The following CLK1 variants were observed in gnomAD, a reference collection of about 807,000 sequenced individuals.
CLK1 encodes the protein dual specificity protein kinase CLK1.
Under a neutral mutation model 60.9 loss-of-function variants are expected in CLK1, and 40 were observed. That is an observed-to-expected ratio of 0.66 (90% CI 0.51 to 0.86). CLK1 has a LOEUF of 0.86. CLK1 is among the 40% of genes least tolerant of loss of function. The pLI, the probability that CLK1 is intolerant of heterozygous loss-of-function variation, is 0.00. For missense variants in CLK1, 563 were observed against 606.1 expected, an observed-to-expected ratio of 0.93 and a Z score of 0.75; for synonymous variants, 203 against 184.4, an observed-to-expected ratio of 1.10 and a Z score of -0.82.
intron 1 of CLK1, chr2:200,864,335 C>G (rs1474098498): frequency 7.3e-7 from 1 of 1,371,914 alleles, no homozygotes; most frequent in Non-Finnish European, 9.5e-7. Context: ...GGCGGCCGGC[C>G]TAGCAAACAC....
chr2:200,864,159 T>TC, intron 1 of CLK1: 2 of 1,550,872 alleles, frequency 1.3e-6, no homozygotes, highest in Middle Eastern at 1.7e-4. Context: ...CCCCAGCAAA[T>TC]CCCCCCTCAA....
In CLK1 at chr2:200,864,640, C is replaced by T. The variant is rs182770094; in HGVS notation, c.-77G>A. The T allele has an allele frequency of 6.0e-6, 1 of 165,346 alleles. No homozygotes were observed. Among genetic ancestry groups the T allele is most frequent in the Non-Finnish European group, 1.3e-5 (1 of 76,296 alleles). The allele number at this position is 165,346 out of a possible 1,614,324, so 10.2% of individuals were successfully genotyped here. ...ACGGGAATCACGCAGCTGACTGCGTCGCGCACCAACAACAAAATGGAGCTG... is the reference window on the plus strand; with the variant it reads ...ACGGGAATCACGCAGCTGACTGCGTTGCGCACCAACAACAAAATGGAGCTG... On this transcript the variant is annotated 5_prime_UTR_variant, in exon 1 of 13. Coordinates refer to ENST00000321356, the MANE Select transcript of CLK1 (RefSeq NM_004071.4).
chr2:200,859,150 C>G (rs897033694), intron 5 of CLK1, among the ~76,000 whole-genome samples: 3 of 152,050 alleles, frequency 2.0e-5, no homozygotes, highest in Admixed American at 6.6e-5. Context: ...CCACTGCACT[C>G]CACCCTGGGT....
At chr2:200,856,573 C>T in intron 9 of CLK1, 109 bp downstream of exon 9, 1 of 828,254 alleles carries the variant, frequency 1.2e-6, no homozygotes, top group Non-Finnish European at 1.9e-6. Context: ...GATACTTATC[C>T]CTTAAAGAGA....
At chr2:200,859,575 G>T (rs1377703341) in intron 5 of CLK1, 105 bp downstream of exon 5, 3 of 789,786 alleles carry the variant, frequency 3.8e-6, no homozygotes, top group Non-Finnish European at 6.1e-6. Flanking sequence ...GTAAAAAAGG[G>T]TATAAAGATA....
chr2:200,860,567 T>C (rs1313826251), intron 3 of CLK1: 23 of 1,021,138 alleles, frequency 2.3e-5, no homozygotes, highest in African/African-American at 3.4e-5. Context: ...TAATTTAATG[T>C]TGCAAAATCG....
chr2:200,857,688 C>A, intron 7 of CLK1, 30 bp downstream of exon 7: 1 of 1,540,330 alleles, frequency 6.5e-7, no homozygotes, highest in Non-Finnish European at 8.8e-7. Flanking sequence ...ATAAAACCAG[C>A]AAATTAACGA....
At chr2:200,857,150 A>G (rs903085681) in intron 7 of CLK1, 165 bp from the exon 8 acceptor site, 10 of 607,632 alleles carry the variant, frequency 1.6e-5, no homozygotes, top group Middle Eastern at 4.4e-4. Context: ...TACCAAAATT[A>G]CAAAAATTGG....
chr2:200,861,670 T>A, intron 2 of CLK1, 32 bp downstream of exon 2: 1 of 1,610,274 alleles, frequency 6.2e-7, no homozygotes, highest in Non-Finnish European at 8.5e-7. Context: ...TAATGTATTG[T>A]TATATTCAGA....
intron 4 of CLK1, 22 bp downstream of exon 4, chr2:200,860,103 A>T: frequency 6.2e-7 from 1 of 1,609,542 alleles, no homozygotes; most frequent in South Asian, 1.1e-5. Context: ...AAAGTTAATA[A>T]GTGTTGAAAA....
At chr2:200,857,210 G>A in intron 7 of CLK1, 1 of 504,882 alleles carries the variant, frequency 2.0e-6, no homozygotes, top group Non-Finnish European at 3.6e-6. Flanking sequence ...GGAGGCTGAG[G>A]CAGGAGAATC....
At chr2:200,859,977 A>C in intron 4 of CLK1, 148 bp downstream of exon 4, 1 of 1,437,234 alleles carries the variant, frequency 7.0e-7, no homozygotes, top group Non-Finnish European at 9.1e-7. Context: ...AGAAAGCAAA[A>C]ATACAATCCC....
At chr2:200,863,975 T>C (rs746733026) in intron 1 of CLK1, 10 of 1,087,618 alleles carry the variant, frequency 9.2e-6, no homozygotes, top group Non-Finnish European at 1.2e-5. Context: ...TCTCTTTCCT[T>C]GGGTTCCTAA....
intron 1 of CLK1, 85 bp downstream of exon 1, chr2:200,864,479 A>C: frequency 2.1e-6 from 1 of 473,174 alleles, no homozygotes; most frequent in Non-Finnish European, 3.7e-6. Flanking sequence ...GGCAGCAAAC[A>C]AGCAGGAAAA....
intron 1 of CLK1, among the ~76,000 whole-genome samples, chr2:200,863,674 T>A (rs1461937290): frequency 6.6e-6 from 1 of 152,072 alleles, no homozygotes; most frequent in Non-Finnish European, 1.5e-5. Flanking sequence ...CTTAATATGG[T>A]GAAACTCTGT....
At chr2:200,857,016 G>GA in intron 7 of CLK1, 31 bp from the exon 8 acceptor site, 3 of 1,574,674 alleles carry the variant, frequency 1.9e-6, no homozygotes, top group Non-Finnish European at 2.6e-6. Flanking sequence ...GCTGTAATCA[G>GA]AAAACACCAA....
intron 9 of CLK1, among the ~76,000 whole-genome samples, chr2:200,856,003 C>T (rs753553184): frequency 6.0e-5 from 9 of 150,674 alleles, no homozygotes; most frequent in Non-Finnish European, 1.3e-4. Context: ...AGTAAGTCTC[C>T]GTCTAAAAAA....
chr2:200,853,678 TGA>T (rs2038986428), intron 12 of CLK1, among the ~76,000 whole-genome samples: 1 of 63,436 alleles, frequency 1.6e-5, no homozygotes, highest in Non-Finnish European at 3.1e-5. Context: ...TGTCTTTACT[TGA>T]AAAAAAAAAA....
At chr2:200,855,694 A>C (rs938880579) in intron 9 of CLK1, among the ~76,000 whole-genome samples, 1 of 151,272 alleles carries the variant, frequency 6.6e-6, no homozygotes, top group Non-Finnish European at 1.5e-5. Flanking sequence ...TCCTAAAGCA[A>C]TCACTTAATC....
Sources: allele counts gnomAD v4.1 joint callset (sites outside exome capture counted in the v4.1 genomes callset), GRCh38; gene constraint gnomAD v4.1.1; transcripts MANE v1.5; gene names NCBI Gene and HGNC (gene_info 2026-07-23, HGNC 2026-07-21).